Variants in SLC38A6 observed in about 807,000 individuals in gnomAD.
The protein encoded by SLC38A6 is N system amino acid transporter NAT-1.
A neutral mutation model predicts 65.0 loss-of-function variants in SLC38A6; 73 were observed. That is an observed-to-expected ratio of 1.12 (90% CI 0.93 to 1.37). The LOEUF is 1.37. Among genes scored for constraint, SLC38A6 ranks in the 40% most tolerant of loss-of-function variants. The probability of loss-of-function intolerance (pLI) is 0.00; values close to 1 mark genes in which losing one functional copy is unlikely to be tolerated. For missense variants in SLC38A6, 561 were observed against 531.1 expected (o/e 1.06, Z -0.55); for synonymous variants, 183 against 178.8 (o/e 1.02, Z -0.19).
At chr14:60,991,936 TG>T (rs1322148007) in intron 3 of SLC38A6, among the ~76,000 whole-genome samples, 2 of 152,168 alleles carry the variant, frequency 1.3e-5, no homozygotes, top group African/African-American at 2.4e-5. Context: ...TCCATTTTCT[TG>T]TTGCCAGAAC....
intron 3 of SLC38A6, among the ~76,000 whole-genome samples, chr14:61,002,575 G>A (rs1336129409): frequency 6.6e-6 from 1 of 152,118 alleles, no homozygotes; most frequent in Non-Finnish European, 1.5e-5. Context: ...CAGAACACTG[G>A]AATGACTAGC....
chr14:61,070,343 T>C (rs1016948564), intron 15 of SLC38A6, among the ~76,000 whole-genome samples: 1 of 152,254 alleles, frequency 6.6e-6, no homozygotes, highest in South Asian at 2.1e-4. Flanking sequence ...TCACTTAGCA[T>C]ATTGTCCTCA....
At chr14:61,021,341 A>G (rs1379388414) in intron 5 of SLC38A6, among the ~76,000 whole-genome samples, 2 of 152,222 alleles carry the variant, frequency 1.3e-5, no homozygotes, top group African/African-American at 2.4e-5. Flanking sequence ...TGAACATGAA[A>G]TATAAAAAAG....
At chr14:60,983,709 A>C (rs905935649) in intron 2 of SLC38A6, among the ~76,000 whole-genome samples, 4 of 152,200 alleles carry the variant, frequency 2.6e-5, no homozygotes, top group African/African-American at 9.7e-5. Flanking sequence ...TTTATTATGG[A>C]ATGTACTCAC....
chr14:60,994,846 A>C (rs1369554528), intron 3 of SLC38A6, among the ~76,000 whole-genome samples: 1 of 151,676 alleles, frequency 6.6e-6, no homozygotes, highest in African/African-American at 2.4e-5. Context: ...TCTACTAAAA[A>C]TACAAAAATT....
downstream of SLC38A6, among the ~76,000 whole-genome samples, chr14:61,053,348 A>G (rs968345342): frequency 3.9e-5 from 6 of 152,020 alleles, no homozygotes; most frequent in African/African-American, 1.4e-4. Flanking sequence ...TACAGTGAAC[A>G]TTTACGTGCA....
chr14:60,991,970 T>C lies in SLC38A6; in HGVS notation c.310+7167T>C, dbSNP rs76487808. Reference sequence around the variant, plus strand: ...AACTTAATATGCCCGATGGCCATACTAAATTGCATAGGGACCTAGAAAATG... The same window carrying C: ...AACTTAATATGCCCGATGGCCATACCAAATTGCATAGGGACCTAGAAAATG... On this transcript the variant is annotated intron_variant, in intron 3 of 15. Coordinates refer to ENST00000267488, the MANE Select transcript of SLC38A6 (RefSeq NM_153811.3). 7.1e-3 allele frequency among the ~76,000 whole-genome samples: 1,075 copies of C among 152,268 alleles called. 79 individuals carry two copies. In the East Asian group the frequency reaches 0.18, roughly 25 times the overall value.
At chr14:61,053,514 A>G (rs2042603593), downstream of SLC38A6, among the ~76,000 whole-genome samples, 1 of 152,124 alleles carries the variant, frequency 6.6e-6, no homozygotes, top group South Asian at 2.1e-4. Flanking sequence ...AAAAGTGTAT[A>G]AATGTTCCCT....
chr14:61,000,842 C>T (rs575984776), intron 3 of SLC38A6, among the ~76,000 whole-genome samples: 3 of 152,056 alleles, frequency 2.0e-5, no homozygotes, highest in African/African-American at 4.8e-5. Flanking sequence ...GTACTCTCAC[C>T]GACAATCACA....
chr14:60,981,753 G>A, intron 1 of SLC38A6: 2 of 1,287,532 alleles, frequency 1.6e-6, no homozygotes, highest in Non-Finnish European at 2.0e-6. Context: ...AAGAGTCACA[G>A]GATTTTCCTC....
intron 6 of SLC38A6, among the ~76,000 whole-genome samples, chr14:61,035,757 T>C (rs2041314054): frequency 6.6e-6 from 1 of 152,226 alleles, no homozygotes; most frequent in South Asian, 2.1e-4. Flanking sequence ...ACTAGTTGTA[T>C]TTCTTTCATG....
intron 3 of SLC38A6, among the ~76,000 whole-genome samples, chr14:61,003,101 A>G (rs1370230980): frequency 6.6e-6 from 1 of 152,152 alleles, no homozygotes; most frequent in Non-Finnish European, 1.5e-5. Context: ...TACACCTTAA[A>G]TAAAACCAAC....
chr14:61,051,551 T>C (rs2042507548), intron 13 of SLC38A6, among the ~76,000 whole-genome samples: 1 of 152,168 alleles, frequency 6.6e-6, no homozygotes, highest in South Asian at 2.1e-4. Context: ...AAAAATTGCA[T>C]GTGAAAACTT....
chr14:60,990,835 C>A (rs1018479444), intron 3 of SLC38A6, among the ~76,000 whole-genome samples: 9 of 152,064 alleles, frequency 5.9e-5, no homozygotes, highest in African/African-American at 1.9e-4. Context: ...CTATGTGCGT[C>A]ACCACACCTG....
chr14:61,067,598 G>T (rs1171590654), intron 15 of SLC38A6, among the ~76,000 whole-genome samples: 1 of 151,970 alleles, frequency 6.6e-6, no homozygotes, highest in African/African-American at 2.4e-5. Context: ...TAAAGTATGT[G>T]GTCAGAAAAG....
At chr14:61,061,778 G>A (rs1284262181) in intron 15 of SLC38A6, among the ~76,000 whole-genome samples, 2 of 152,122 alleles carry the variant, frequency 1.3e-5, no homozygotes, top group Non-Finnish European at 2.9e-5. Flanking sequence ...TTGCTTCCAA[G>A]TCTTTGCAAT....
Position 61,019,649 on chromosome 14 carries a change from T to C in SLC38A6, c.403+69T>C. 3 of 1,501,262 alleles carry C rather than the reference T, an allele frequency of 2.0e-6. No homozygotes were observed. In the South Asian group the frequency reaches 3.4e-5, roughly 17 times the overall value. The allele number at this position is 1,501,262 out of a possible 1,614,324, so 93.0% of individuals were successfully genotyped here. ...AATAATGTCCTTTGAATTGTTATCT[T>C]ACTACAGATCTAGCTGGGAACTTCT... On this transcript the variant is annotated intron_variant, in intron 5 of 15. Coordinates refer to ENST00000267488, the MANE Select transcript of SLC38A6 (RefSeq NM_153811.3).
At chr14:61,014,601 C>A (rs2039851780) in intron 3 of SLC38A6, among the ~76,000 whole-genome samples, 1 of 152,186 alleles carries the variant, frequency 6.6e-6, no homozygotes, top group African/African-American at 2.4e-5. Flanking sequence ...TTCCTTCTAA[C>A]AGTTAGGACC....
chr14:61,083,453 G>C (rs762047156), intron 16 of SLC38A6: 4 of 1,461,218 alleles, frequency 2.7e-6, no homozygotes, highest in Non-Finnish European at 3.6e-6. Flanking sequence ...CAGGACCTCA[G>C]AATGCAACTG....
Sources: gnomAD v4.1 joint callset for allele counts (sites outside exome capture counted in the v4.1 genomes callset) on GRCh38, gnomAD v4.1.1 for gene constraint, MANE v1.5 for transcripts, NCBI Gene and HGNC (gene_info 2026-07-23, HGNC 2026-07-21) for gene names.